Variants in NRG3 observed in about 807,000 individuals in gnomAD.
NRG3 encodes pro-neuregulin-3, membrane-bound isoform.
NRG3 carries 31 observed loss-of-function variants against 66.9 expected under a neutral mutation model. That is an observed-to-expected ratio of 0.46 (90% CI 0.35 to 0.63). The LOEUF (loss-of-function observed/expected upper bound fraction) is 0.63, where lower values mean the gene tolerates loss of function less well. Among genes scored for constraint, NRG3 ranks in the 20% least tolerant of loss-of-function variants. The probability of loss-of-function intolerance (pLI) is 0.00; values close to 1 mark genes in which losing one functional copy is unlikely to be tolerated. For synonymous variants in NRG3, 393 were observed against 359.4 expected, an observed-to-expected ratio of 1.09 and a Z score of -1.06; for missense variants, 910 against 878.9, an observed-to-expected ratio of 1.04 and a Z score of -0.45.
intron 2 of NRG3, among the ~76,000 whole-genome samples, chr10:82,652,269 T>C (rs2051480473): frequency 1.3e-5 from 2 of 152,148 alleles, no homozygotes; most frequent in African/African-American, 4.8e-5. Flanking sequence ...AAAGGGTCAG[T>C]GTGACAGCCT....
chr10:82,716,383 T>A (rs1486672701), intron 2 of NRG3, among the ~76,000 whole-genome samples: 1 of 152,074 alleles, frequency 6.6e-6, no homozygotes, highest in East Asian at 1.9e-4. Context: ...CACTCACATA[T>A]CTAAATGTAT....
rs890080565 is a variant in NRG3, at chr10:82,976,796, C to G, written c.1413-2154C>G. 5.9e-5 allele frequency among the ~76,000 whole-genome samples: 9 copies of G among 152,048 alleles called. No individual in the cohort carries two copies. The South Asian group carries it at 8.3e-4, about 14-fold the overall frequency. On this transcript the variant is annotated intron_variant, in intron 7 of 8. Transcript: ENST00000372141. ...CCCTTCCTCCCTGCTTGGTTGCCTTCCTTATATCCCTTTTCTGGGGCCATG... is the reference window on the plus strand; with the variant it reads ...CCCTTCCTCCCTGCTTGGTTGCCTTGCTTATATCCCTTTTCTGGGGCCATG...
chr10:82,312,346 G>C (rs1334320131), intron 1 of NRG3, among the ~76,000 whole-genome samples: 1 of 152,110 alleles, frequency 6.6e-6, no homozygotes, highest in Non-Finnish European at 1.5e-5. Context: ...CAAATAACTT[G>C]AGAAAGTGTC....
chr10:82,176,063 T>C lies in NRG3; in HGVS notation c.824-182676T>C, dbSNP rs2073010868. ...ATAAGACATTACCCTTGCATCCAAC[T>C]TAGGAAGCTCTGGAATAAACAACAG... On this transcript the variant is annotated intron_variant, in intron 1 of 8. Coordinates refer to ENST00000372141, the MANE Select transcript of NRG3 (RefSeq NM_001010848.4). Among the ~76,000 whole-genome samples the C allele has an allele frequency of 2.0e-5, 3 of 152,186 alleles. No individual in the cohort carries two copies. The South Asian group carries it at 6.2e-4, about 31-fold the overall frequency.
At chr10:82,140,816 T>A (rs185622305) in intron 1 of NRG3, among the ~76,000 whole-genome samples, 3 of 152,258 alleles carry the variant, frequency 2.0e-5, no homozygotes, top group African/African-American at 7.2e-5. Flanking sequence ...CACACTTCCA[T>A]CAAATGGGCA....
intron 1 of NRG3, among the ~76,000 whole-genome samples, chr10:82,124,772 G>T (rs2068322989): frequency 6.6e-6 from 1 of 150,572 alleles, no homozygotes. Context: ...CCAAATATAT[G>T]TTTTCTAAGG....
At chr10:82,164,478 T>G (rs1359336228) in intron 1 of NRG3, among the ~76,000 whole-genome samples, 3 of 152,146 alleles carry the variant, frequency 2.0e-5, no homozygotes, top group Admixed American at 2.0e-4. Flanking sequence ...ACATTTGTAC[T>G]CATTAACCAA....
chr10:82,818,568 A>C (rs556745476), intron 3 of NRG3, among the ~76,000 whole-genome samples: 1 of 152,224 alleles, frequency 6.6e-6, no homozygotes, highest in African/African-American at 2.4e-5. Flanking sequence ...GGGACTTTTA[A>C]ATTTTAAGCA....
chr10:82,076,034 G>T (rs189260152), intron 1 of NRG3, among the ~76,000 whole-genome samples: 1 of 152,064 alleles, frequency 6.6e-6, no homozygotes, highest in Non-Finnish European at 1.5e-5. Context: ...TAAGTGAAAC[G>T]ATAGGGGTCC....
intron 1 of NRG3, among the ~76,000 whole-genome samples, chr10:82,191,844 T>TTG (rs1238314868): frequency 2.6e-5 from 4 of 152,204 alleles, no homozygotes; most frequent in Admixed American, 2.0e-4. Context: ...AAGGATTGAT[T>TTG]TGTGCTCAGG....
intron 2 of NRG3, among the ~76,000 whole-genome samples, chr10:82,645,164 A>G (rs1030468646): frequency 6.6e-6 from 1 of 152,126 alleles, no homozygotes; most frequent in African/African-American, 2.4e-5. Flanking sequence ...TTAAGCTGGT[A>G]TTATATGATA....
intron 1 of NRG3, among the ~76,000 whole-genome samples, chr10:82,025,424 A>G (rs1589824990): frequency 6.6e-6 from 1 of 151,852 alleles, no homozygotes; most frequent in Non-Finnish European, 1.5e-5. Flanking sequence ...TGAGTAATTT[A>G]TAATATTTTT....
chr10:82,868,922 C>G, intron 4 of NRG3, among the ~76,000 whole-genome samples: 1 of 152,094 alleles, frequency 6.6e-6, no homozygotes, highest in East Asian at 1.9e-4. Flanking sequence ...TAACTCCTGA[C>G]CTCAAGTGAT....
At chr10:82,271,850 T>C (rs912843113) in intron 1 of NRG3, among the ~76,000 whole-genome samples, 1 of 152,150 alleles carries the variant, frequency 6.6e-6, no homozygotes, top group African/African-American at 2.4e-5. Flanking sequence ...TATCTTGTTC[T>C]TTTCCTGATG....
chr10:82,441,130 T>C (rs1162035125), intron 2 of NRG3, among the ~76,000 whole-genome samples: 1 of 152,246 alleles, frequency 6.6e-6, no homozygotes, highest in Non-Finnish European at 1.5e-5. Context: ...TTGTAGACTC[T>C]TAGAAGTAAT....
At chr10:82,219,762 G>A (rs754155810) in intron 1 of NRG3, among the ~76,000 whole-genome samples, 6 of 151,836 alleles carry the variant, frequency 4.0e-5, no homozygotes, top group Non-Finnish European at 5.9e-5. Context: ...CTTATTATTC[G>A]TAGGTACACA....
Position 82,278,510 on chromosome 10 carries a change from G to A in NRG3, c.824-80229G>A, listed in dbSNP as rs539855973. 2.0e-5 allele frequency among the ~76,000 whole-genome samples: 3 copies of A among 152,202 alleles called. No individual in the cohort carries two copies. In the South Asian group the frequency reaches 6.2e-4, roughly 32 times the overall value. On this transcript the variant is annotated intron_variant, in intron 1 of 8. Coordinates refer to ENST00000372141, the MANE Select transcript of NRG3 (RefSeq NM_001010848.4). The stretch of plus-strand genomic sequence containing the variant: ...TTCTGTTGAAAATGTTCTCTGGCAG[G>A]ATGATTTCTGTCAATAAGAGCAATT...
intron 1 of NRG3, among the ~76,000 whole-genome samples, chr10:82,157,436 T>G (rs770452313): frequency 6.6e-6 from 1 of 151,716 alleles, no homozygotes; most frequent in Non-Finnish European, 1.5e-5. Flanking sequence ...TTACCTGAGA[T>G]TTTATTTTTC....
rs550981522 is a variant in NRG3 at position 82,219,516 on chromosome 10, T to C, written c.824-139223T>C. 7.9e-5 allele frequency among the ~76,000 whole-genome samples: 12 copies of C among 152,214 alleles called. No homozygotes were observed. The East Asian group carries it at 2.3e-3, about 29-fold the overall frequency. ...TTGTGACCTGATTTTGTGTTTCTTC[T>C]TGCATGATTATTTTTTGGGCCCTCA... On this transcript the variant is annotated intron_variant, in intron 1 of 8. Coordinates refer to ENST00000372141, the MANE Select transcript of NRG3 (RefSeq NM_001010848.4).
Sources: allele counts gnomAD v4.1 joint callset (sites outside exome capture counted in the v4.1 genomes callset), GRCh38; gene constraint gnomAD v4.1.1; transcripts MANE v1.5; gene names NCBI Gene and HGNC (gene_info 2026-07-23, HGNC 2026-07-21).